The following HRH1 variants were observed in gnomAD, a reference collection of about 807,000 sequenced individuals.
The protein encoded by HRH1 is histamine H1 receptor.
Under a neutral mutation model 10.3 loss-of-function variants are expected in HRH1, and 6 were observed. That is an observed-to-expected ratio of 0.58 (90% CI 0.32 to 1.15). The LOEUF (loss-of-function observed/expected upper bound fraction) is 1.15, where lower values mean the gene tolerates loss of function less well. Among genes scored for constraint, HRH1 ranks in the 50% most tolerant of loss-of-function variants. The pLI is 0.05. For synonymous variants in HRH1, 242 were observed against 236.7 expected, an observed-to-expected ratio of 1.02 and a Z score of -0.21; for missense variants, 514 against 615.3, an observed-to-expected ratio of 0.84 and a Z score of 1.74.
chr3:11,182,670 T>C (rs1322845287), intron 1 of HRH1, among the ~76,000 whole-genome samples: 2 of 151,518 alleles, frequency 1.3e-5, no homozygotes, highest in Non-Finnish European at 2.9e-5. Flanking sequence ...GGAGGGAGGG[T>C]GCTGCAGCAA....
At chr3:11,188,819 A>G (rs1937495018) in intron 1 of HRH1, among the ~76,000 whole-genome samples, 1 of 152,212 alleles carries the variant, frequency 6.6e-6, no homozygotes, top group Non-Finnish European at 1.5e-5. Flanking sequence ...AAGACAGCCA[A>G]AACGGCATCA....
At chr3:11,210,400 A>T (rs920701491) in intron 1 of HRH1, among the ~76,000 whole-genome samples, 5 of 152,300 alleles carry the variant, frequency 3.3e-5, no homozygotes, top group Middle Eastern at 3.4e-3. Context: ...TCTCAAAAAA[A>T]TAAATAAATA....
intron 1 of HRH1, among the ~76,000 whole-genome samples, chr3:11,221,889 C>T (rs145741429): frequency 2.0e-5 from 3 of 152,278 alleles, no homozygotes; most frequent in Admixed American, 6.5e-5. Flanking sequence ...GCAGAATGTC[C>T]TCAAGGTTCA....
upstream of HRH1, among the ~76,000 whole-genome samples, chr3:11,152,213 T>A (rs1227761054): frequency 6.6e-6 from 1 of 152,206 alleles, no homozygotes; most frequent in African/African-American, 2.4e-5. Flanking sequence ...ATTATTTATG[T>A]AAAGCTCTTA....
chr3:11,163,604 G>A (rs1337848345), intron 1 of HRH1, among the ~76,000 whole-genome samples: 1 of 152,134 alleles, frequency 6.6e-6, no homozygotes, highest in African/African-American at 2.4e-5. Context: ...TCCCCTATAA[G>A]GTTGTGAGGC....
chr3:11,178,796 TGTCTCTGGGGTGGC>T (rs1937294564), intron 1 of HRH1, among the ~76,000 whole-genome samples: 1 of 152,058 alleles, frequency 6.6e-6, no homozygotes, highest in Non-Finnish European at 1.5e-5. Flanking sequence ...ATACGTCCCT[TGTCTCTGGGGTGGC>T]GTCTGGGAAA....
chr3:11,143,390 A>G (rs1936333590), intron 1 of HRH1, among the ~76,000 whole-genome samples: 1 of 152,162 alleles, frequency 6.6e-6, no homozygotes, highest in South Asian at 2.1e-4. Context: ...GAAGGGAGGG[A>G]CATTACCACG....
intron 1 of HRH1, among the ~76,000 whole-genome samples, chr3:11,171,357 C>G (rs765520262): frequency 6.6e-6 from 1 of 152,158 alleles, no homozygotes; most frequent in Non-Finnish European, 1.5e-5. Context: ...CTCAAGTGAT[C>G]CACCTACCTT....
chr3:11,165,564 A>T (rs1040516410), intron 1 of HRH1, among the ~76,000 whole-genome samples: 1 of 152,182 alleles, frequency 6.6e-6, no homozygotes. Context: ...ACAAACTTTG[A>T]GGAAGTTTCA....
chr3:11,218,859 A>C (rs570271390), intron 1 of HRH1, among the ~76,000 whole-genome samples: 4 of 151,404 alleles, frequency 2.6e-5, no homozygotes, highest in Admixed American at 2.6e-4. Context: ...TACAGGCGTG[A>C]GCCACTGTGC....
intron 1 of HRH1, among the ~76,000 whole-genome samples, chr3:11,174,159 T>C (rs769920613): frequency 1.3e-5 from 2 of 152,246 alleles, no homozygotes; most frequent in Non-Finnish European, 2.9e-5. Flanking sequence ...ACAATCAATA[T>C]GTACCACATT....
intron 1 of HRH1, among the ~76,000 whole-genome samples, chr3:11,247,754 G>T (rs1939527335): frequency 6.6e-6 from 1 of 152,164 alleles, no homozygotes; most frequent in African/African-American, 2.4e-5. Context: ...AAATGCCTTA[G>T]CATATCTAGG....
rs189425811 is a variant in HRH1, at chr3:11,161,047, T to A, written c.-36+6493T>A. On this transcript the variant is annotated intron_variant, in intron 1 of 1. Transcript: ENST00000431010. ...GAATAAACACTCAATGTCATTCTCC[T>A]CCTGCCCTGCCTGTGGCCAAACCCA... Among the ~76,000 whole-genome samples, 696 of 152,252 alleles carry A rather than the reference T, an allele frequency of 4.6e-3. 4 individuals are homozygous for A. Among genetic ancestry groups the A allele is most frequent in the Non-Finnish European group, 8.2e-3 (561 of 68,006 alleles).
intron 1 of HRH1, among the ~76,000 whole-genome samples, chr3:11,163,794 T>C (rs538692578): frequency 1.3e-5 from 2 of 152,258 alleles, no homozygotes; most frequent in South Asian, 4.1e-4. Flanking sequence ...CTCTCTCTCT[T>C]TTCACCTCAT....
At chr3:11,206,490 C>T (rs539178375) in intron 1 of HRH1, among the ~76,000 whole-genome samples, 1 of 152,394 alleles carries the variant, frequency 6.6e-6, no homozygotes, top group African/African-American at 2.4e-5. Context: ...CTCCACTTCA[C>T]TGGCCCTCCA....
At position 11,259,934 on chromosome 3, in the gene HRH1, A is replaced by G; in HGVS notation, c.897A>G (p.Lys299=). The G allele has an allele frequency of 6.2e-7, 1 of 1,613,968 alleles. No homozygotes were observed. Among genetic ancestry groups the G allele is most frequent in the Non-Finnish European group, 8.5e-7 (1 of 1,179,948 alleles). ...AAGAGGATGATAGAGAAGTAGACAA[A>G]CTCTACTGCTTTCCACTTGATATTG... ...FSQEDDREVD[K]LYCFPLDIVH... The change falls in exon 2 of 2, where the codon AAA becomes AAG. Residue 299 remains lysine, a synonymous_variant. Transcript: ENST00000431010. The surrounding 1 kb of genome is among the most constrained non-coding windows in gnomAD (Gnocchi z 4.6).
intron 1 of HRH1, among the ~76,000 whole-genome samples, chr3:11,252,232 C>T (rs1939671294): frequency 6.6e-6 from 1 of 152,168 alleles, no homozygotes. Context: ...TCCATTCAAG[C>T]CCAATTTTCC....
chr3:11,248,434 C>G (rs1033506109), intron 1 of HRH1, among the ~76,000 whole-genome samples: 5 of 152,120 alleles, frequency 3.3e-5, no homozygotes, highest in Non-Finnish European at 7.3e-5. Context: ...TCAAAGGATC[C>G]AGGAGGGACG....
chr3:11,206,210 G>A (rs1384745080), intron 1 of HRH1, among the ~76,000 whole-genome samples: 1 of 152,088 alleles, frequency 6.6e-6, no homozygotes, highest in Non-Finnish European at 1.5e-5. Flanking sequence ...TGCCTCCCAG[G>A]TTCAAGTGAT....
Sources: allele counts gnomAD v4.1 joint callset (sites outside exome capture counted in the v4.1 genomes callset), GRCh38; gene constraint gnomAD v4.1.1; non-coding constraint Gnocchi (gnomAD v3.1); transcripts MANE v1.5; gene names NCBI Gene and HGNC (gene_info 2026-07-23, HGNC 2026-07-21).